THOC1: variants seen among roughly 807,000 people sequenced by gnomAD.
THOC1 encodes the protein THO complex 1.
Under a neutral mutation model 97.3 loss-of-function variants are expected in THOC1, and 29 were observed. That is an observed-to-expected ratio of 0.30 (90% CI 0.22 to 0.41). The LOEUF is 0.41. THOC1 is among the 10% of genes least tolerant of loss of function. The pLI, the probability that THOC1 is intolerant of heterozygous loss-of-function variation, is 1.00. For missense variants in THOC1, 529 were observed against 761.9 expected (o/e 0.69, Z 3.60); for synonymous variants, 255 against 257.0 (o/e 0.99, Z 0.07).
At chr18:225,773 C>T (rs553324977) in intron 12 of THOC1, 33 of 165,038 alleles carry the variant, frequency 2.0e-4, no homozygotes, top group Admixed American at 1.9e-3. Context: ...CATTAAGATT[C>T]ATTCAAAATA....
At position 238,475 on chromosome 18, in the gene THOC1, G is replaced by A. The variant is rs150257248; in HGVS notation, c.918+7849C>T. Reference sequence around the variant, plus strand: ...CCCCATTGTGTGAATATCATAGAGTGTACTTAACAATAGTATTGCCTACTA... The same window carrying A: ...CCCCATTGTGTGAATATCATAGAGTATACTTAACAATAGTATTGCCTACTA... On this transcript the variant is annotated intron_variant, in intron 11 of 20. Coordinates refer to ENST00000261600, the MANE Select transcript of THOC1 (RefSeq NM_005131.3). Among the ~76,000 whole-genome samples the A allele has an allele frequency of 6.0e-3, 920 of 152,258 alleles. 9 individuals are homozygous for A. The highest frequency in any genetic ancestry group is 0.02 in the African/African-American group (843 of 41,546).
chr18:261,633 G>A (rs2014112839), intron 4 of THOC1, among the ~76,000 whole-genome samples: 1 of 152,218 alleles, frequency 6.6e-6, no homozygotes, highest in African/African-American at 2.4e-5. Context: ...GGCCAGAGAT[G>A]AGACTGGACT....
At chr18:239,107 C>T (rs1305305830) in intron 11 of THOC1, among the ~76,000 whole-genome samples, 2 of 152,164 alleles carry the variant, frequency 1.3e-5, no homozygotes, top group Non-Finnish European at 2.9e-5. Flanking sequence ...TGTGATTAAA[C>T]AGCCAGTGTT....
chr18:215,496 A>C lies in THOC1; in HGVS notation c.1611T>G (p.Ser537=), dbSNP rs1910847174. 6.2e-7 allele frequency: 1 copy of C among 1,612,452 alleles called. No individual in the cohort carries two copies. The highest frequency in any genetic ancestry group is 8.5e-7 in the Non-Finnish European group (1 of 1,178,648). Residue 537 remains serine, a synonymous_variant, in exon 20 of 21, where the codon TCT becomes TCG. Coordinates refer to ENST00000261600, the MANE Select transcript of THOC1 (RefSeq NM_005131.3). The part of the protein sequence containing the change: ...IKLAKELPPP[S]EEIKTGEDED... ...CATCCTCACCTGTTTTTATTTCTTC[A>C]GAAGGAGGCTAAAAATGAGAAAGAA...
intron 9 of THOC1, among the ~76,000 whole-genome samples, chr18:250,382 T>C (rs187070336): frequency 3.8e-4 from 58 of 152,290 alleles, no homozygotes; most frequent in African/African-American, 1.3e-3. Context: ...ACAGAAACTT[T>C]TGAATTTTCT....
intron 11 of THOC1, among the ~76,000 whole-genome samples, chr18:240,928 T>A (rs572348700): frequency 4.6e-5 from 7 of 152,262 alleles, no homozygotes; most frequent in African/African-American, 1.7e-4. Context: ...TAGATTCTCA[T>A]AAGGAGCACA....
In THOC1 at chr18:225,411, A is replaced by G; in HGVS notation, c.1020-8T>C. The stretch of plus-strand genomic sequence containing the variant: ...GTTAAAACATAGTTTGAACTAGGGA[A>G]CAAAGCAATGAAAGCATGCTTGAGT... On this transcript the variant is annotated splice_polypyrimidine_tract_variant and splice_region_variant and intron_variant, in intron 12 of 20. Transcript: ENST00000261600. The G allele has an allele frequency of 6.2e-7, 1 of 1,611,298 alleles. No individual in the cohort carries two copies. Among genetic ancestry groups the G allele is most frequent in the Non-Finnish European group, 8.5e-7 (1 of 1,178,986 alleles).
Position 265,541 on chromosome 18 carries a change from AT to A in THOC1, c.55-12del. 1 of 1,552,268 alleles carries A rather than the reference AT, an allele frequency of 6.4e-7. No individual in the cohort carries two copies. The highest frequency in any genetic ancestry group is 2.1e-5 in the Admixed American group (1 of 48,488). The stretch of plus-strand genomic sequence containing the variant: ...CTCTCTGGTAGACTTCTAAAAAAAA[AT>A]TAAAATGGCAAATAATTGTAAAGAT... On this transcript the variant is annotated splice_polypyrimidine_tract_variant and intron_variant, in intron 1 of 20. Coordinates refer to ENST00000261600, the MANE Select transcript of THOC1 (RefSeq NM_005131.3).
rs746326608 is a variant in THOC1, at chr18:259,238, G to A, written c.462C>T (p.Val154=). The change falls in exon 7 of 21, where the codon GTC becomes GTT. Residue 154 remains valine (V), a synonymous_variant. Transcript: ENST00000261600. ...LRRLSKSQNT[V]FCGRIQLFLA... is the part of the protein sequence containing the mutation. ...AAAAGAGCTGAATCCGTCCACAGAA[G>A]ACTGTATTCTGGGATTTAGACAATC... 4.3e-6 allele frequency: 7 copies of A among 1,612,350 alleles called. No homozygotes were observed. The South Asian group carries it at 5.5e-5, about 13-fold the overall frequency.
At chr18:228,308 ATAT>A (rs915547861) in intron 11 of THOC1, among the ~76,000 whole-genome samples, 2 of 152,040 alleles carry the variant, frequency 1.3e-5, no homozygotes, top group African/African-American at 4.8e-5. Flanking sequence ...AATATACCTA[ATAT>A]TTGGATCTTA....
At chr18:253,975 A>C (rs1823299374) in intron 8 of THOC1, among the ~76,000 whole-genome samples, 1 of 147,878 alleles carries the variant, frequency 6.8e-6, no homozygotes, top group African/African-American at 2.5e-5. Context: ...CAGTGGCATG[A>C]TCAAGGCTCA....
chr18:254,424 C>T lies in THOC1; in HGVS notation c.521-69G>A. On this transcript the variant is annotated intron_variant, in intron 7 of 20. Coordinates refer to ENST00000261600, the MANE Select transcript of THOC1 (RefSeq NM_005131.3). The surrounding 1 kb of genome is among the most constrained non-coding windows in gnomAD (Gnocchi z 4.1). ...ACCTAAACTTATGTATAACTTGTGT[C>T]ATAATCAAAACTACAAAATGCCAAA... 1.0e-6 allele frequency: 1 copy of T among 977,414 alleles called. No homozygotes were observed. The highest frequency in any genetic ancestry group is 1.6e-6 in the Non-Finnish European group (1 of 642,030). The allele number at this position is 977,414 out of a possible 1,614,324, so 60.5% of individuals were successfully genotyped here. A position where few individuals can be genotyped will look rare whatever the true frequency, so the allele number is the denominator to read the frequency against.
intron 10 of THOC1, 64 bp from the exon 11 acceptor site, chr18:246,519 C>A: frequency 7.2e-7 from 1 of 1,390,644 alleles, no homozygotes; most frequent in Non-Finnish European, 9.9e-7. Context: ...TGCTTTTCTG[C>A]ATCAAAATGC....
chr18:244,567 C>T (rs1912023832), intron 11 of THOC1: 1 of 152,202 alleles, frequency 6.6e-6, no homozygotes, highest in Admixed American at 6.5e-5. Flanking sequence ...AATCTGCTAA[C>T]AGTCAAACTG....
In THOC1 at chr18:225,120, G is replaced by T; in HGVS notation, c.1106C>A (p.Pro369His). ...SVYQLLSENP[P>H]DGERFSKMVE... ...CATCTTTGAAAATCTTTCTCCATCG[G>T]GGGGGTTTTCAGATAGTAGCTGTGA... Residue 369 changes from proline to histidine, a missense_variant, in exon 14 of 21, where the codon CCC (proline) becomes CAC (histidine). Physicochemically the swap from Pro to His is moderately conservative, Grantham distance 77. Around this residue, in one of 8 missense-constraint regions of THOC1, gnomAD observed 123 missense variants for 159.0 expected, o/e 0.77. Transcript: ENST00000261600. 1.3e-6 allele frequency: 2 copies of T among 1,577,546 alleles called. No homozygotes were observed. The highest frequency in any genetic ancestry group is 1.7e-6 in the Non-Finnish European group (2 of 1,160,032).
rs975969051 is a variant in THOC1, at chr18:215,306, CAG to C, written c.1678+121_1678+122del. 33 of 749,090 alleles carry C rather than the reference CAG, an allele frequency of 4.4e-5. 1 individual carries two copies. The highest frequency in any genetic ancestry group is 4.4e-4 in the South Asian group (27 of 61,876). 46.4% of individuals were successfully genotyped at this position (749,090 alleles called of 1,614,324 possible). A position where few individuals can be genotyped will look rare whatever the true frequency, so the allele number is the denominator to read the frequency against. Reference sequence around the variant, plus strand: ...CAATGTTTTAAATTCCTCACTATGTCAGAAACAGTTGAGATAAAATGGGAGAA... The same window carrying C: ...CAATGTTTTAAATTCCTCACTATGTCAAACAGTTGAGATAAAATGGGAGAA... On this transcript the variant is annotated intron_variant, in intron 20 of 20. Transcript: ENST00000261600.
chr18:265,220 C>CA (rs1567859149), intron 3 of THOC1, 83 bp downstream of exon 3: 1 of 1,067,446 alleles, frequency 9.4e-7, no homozygotes, highest in Admixed American at 2.9e-5. Context: ...TTTAAATATC[C>CA]ATTCTAAGAA....
intron 19 of THOC1, chr18:215,788 C>T (rs1160746554): frequency 5.7e-6 from 2 of 349,996 alleles, no homozygotes; most frequent in Non-Finnish European, 5.2e-6. Flanking sequence ...TGCAAATACC[C>T]AGGGTTTATT....
chr18:228,955 T>C (rs1400067214), intron 11 of THOC1, among the ~76,000 whole-genome samples: 2 of 152,218 alleles, frequency 1.3e-5, no homozygotes, highest in African/African-American at 4.8e-5. Context: ...AAAATACTAC[T>C]TTACCACCCC....
Sources: gnomAD v4.1 joint callset for allele counts (sites outside exome capture counted in the v4.1 genomes callset) on GRCh38, gnomAD v4.1.1 for gene constraint, gnomAD v4.1.1 regional missense constraint, Gnocchi (gnomAD v3.1) non-coding constraint, MANE v1.5 for transcripts, NCBI Gene and HGNC (gene_info 2026-07-23, HGNC 2026-07-21) for gene names.